Variants in UNC79 observed in about 807,000 individuals in gnomAD.
The protein encoded by UNC79 is unc-79 subunit of NALCN channel complex.
A neutral mutation model predicts 283.1 loss-of-function variants in UNC79; 37 were observed. That is an observed-to-expected ratio of 0.13 (90% CI 0.10 to 0.17). The LOEUF is 0.17. Ranked by LOEUF, UNC79 falls within the 10% of genes least tolerant of loss-of-function variation. The pLI is 1.00. For missense variants in UNC79, 2,272 were observed against 3,211.1 expected (o/e 0.71, Z 7.07); for synonymous variants, 1,107 against 1,200.2 (o/e 0.92, Z 1.61).
At chr14:93,619,004 T>C (rs1420022435) in intron 29 of UNC79, among the ~76,000 whole-genome samples, 2 of 152,206 alleles carry the variant, frequency 1.3e-5, no homozygotes, top group Non-Finnish European at 2.9e-5. Flanking sequence ...AAGTCACGGC[T>C]GACTAGATTT....
In UNC79 at chr14:93,617,427, C is replaced by G; in HGVS notation, c.4224+123C>G. Reference sequence around the variant, plus strand: ...GAAGTTTGACCTTCAGAAGGAAGATCAGGATATGCAATTACTGTTAAGAAC... The same window carrying G: ...GAAGTTTGACCTTCAGAAGGAAGATGAGGATATGCAATTACTGTTAAGAAC... On this transcript the variant is annotated intron_variant, in intron 28 of 48. Transcript: ENST00000555664. The surrounding 1 kb of genome is among the most constrained non-coding windows in gnomAD (Gnocchi z 4.5). 9.7e-7 allele frequency: 1 copy of G among 1,029,412 alleles called. No homozygotes were observed. Among genetic ancestry groups the G allele is most frequent in the South Asian group, 1.9e-5 (1 of 52,080 alleles). The allele number at this position is 1,029,412 out of a possible 1,614,324, so 63.8% of individuals were successfully genotyped here.
In UNC79 at chr14:93,347,282, G is replaced by A. The variant is rs144352893; in HGVS notation, c.-351+13759G>A. 169 of 1,604,594 alleles carry A rather than the reference G, an allele frequency of 1.1e-4. No homozygotes were observed. The highest frequency in any genetic ancestry group is 1.6e-4 in the Middle Eastern group (1 of 6,062). ...ACCTGACGCGATATGCCTCTCCTGCGTGGGCGCTGTCCTGCCCGCCGCCAC... is the reference window on the plus strand; with the variant it reads ...ACCTGACGCGATATGCCTCTCCTGCATGGGCGCTGTCCTGCCCGCCGCCAC... On this transcript the variant is annotated intron_variant, in intron 1 of 49. Coordinates refer to the UNC79 transcript ENST00000256339.
rs201821962 is a variant in UNC79, at chr14:93,630,840, G to A, written c.5648G>A (p.Arg1883Gln). Reference sequence around the variant, plus strand: ...GGACTTTCAACTTTGGAAATGCCACGAGAATCTTCATCTGCCCCTACGTTA... The same window carrying A: ...GGACTTTCAACTTTGGAAATGCCACAAGAATCTTCATCTGCCCCTACGTTA... Residue 1883 changes from arginine to glutamine, a missense_variant, in exon 31 of 49, where the codon CGA (arginine) becomes CAA (glutamine). Around this residue, in one of 11 missense-constraint regions of UNC79, gnomAD observed 580 missense variants for 632.2 expected, o/e 0.92. Transcript: ENST00000555664. 8.7e-6 allele frequency: 14 copies of A among 1,613,966 alleles called. No individual in the cohort carries two copies. In the East Asian group the frequency reaches 1.3e-4, roughly 15 times the overall value.
chr14:93,586,250 C>A (rs1034290275), intron 20 of UNC79, among the ~76,000 whole-genome samples: 4 of 152,202 alleles, frequency 2.6e-5, no homozygotes, highest in Non-Finnish European at 4.4e-5. Flanking sequence ...GGTTCCAGGT[C>A]CCTTCAGGGA....
chr14:93,649,064 A>T (rs540848156), intron 35 of UNC79, among the ~76,000 whole-genome samples: 61 of 152,310 alleles, frequency 4.0e-4, no homozygotes, highest in African/African-American at 1.4e-3. Flanking sequence ...CTTTGGCCAC[A>T]TTGATCTCTC....
chr14:93,662,412 T>C (rs533505865), intron 39 of UNC79, among the ~76,000 whole-genome samples, 192 bp from the exon 43 acceptor site: 2 of 152,322 alleles, frequency 1.3e-5, no homozygotes, highest in South Asian at 4.1e-4. Flanking sequence ...TTGGTCCTGC[T>C]CTTTGAGCCC....
intron 8 of UNC79, among the ~76,000 whole-genome samples, chr14:93,528,232 A>G (rs1331965383): frequency 1.3e-5 from 2 of 152,228 alleles, no homozygotes; most frequent in African/African-American, 4.8e-5. Flanking sequence ...TAGTGTGAGT[A>G]ATATATCGCC....
chr14:93,704,138 T>C (rs1301630206), intron 47 of UNC79, among the ~76,000 whole-genome samples: 1 of 152,232 alleles, frequency 6.6e-6, no homozygotes, highest in East Asian at 1.9e-4. Context: ...TCAGTCTCGC[T>C]GTATTACACC....
chr14:93,477,713 C>G (rs1272752289), exon 4 of UNC79: 1 of 1,611,988 alleles, frequency 6.2e-7, no homozygotes, highest in Non-Finnish European at 8.5e-7. Context: ...CACATCTTTT[C>G]TACCAATGGC....
chr14:93,439,187 T>C (rs1056306703), intron 1 of UNC79, among the ~76,000 whole-genome samples: 1 of 152,134 alleles, frequency 6.6e-6, no homozygotes, highest in African/African-American at 2.4e-5. Context: ...ACTCAATTTT[T>C]ATGCCTCTAA....
At chr14:93,403,096 CT>C (rs1260120503) in intron 1 of UNC79, among the ~76,000 whole-genome samples, 2 of 152,256 alleles carry the variant, frequency 1.3e-5, no homozygotes, top group Admixed American at 1.3e-4. Context: ...TCTCTTGAGT[CT>C]TTGGTCAGCC....
chr14:93,529,243 C>T, intron 9 of UNC79, 43 bp from the exon 10 acceptor site: 2 of 1,606,926 alleles, frequency 1.2e-6, no homozygotes, highest in African/African-American at 1.3e-5. Context: ...GGAAGGAGAA[C>T]ATTTCAATGA....
chr14:93,464,557 A>G, intron 1 of UNC79: 1 of 456,286 alleles, frequency 2.2e-6, no homozygotes, highest in Non-Finnish European at 4.4e-6. Flanking sequence ...TCAACATATG[A>G]ATTCTAAGCG....
At chr14:93,351,196 A>G in intron 1 of UNC79, among the ~76,000 whole-genome samples, 1 of 152,298 alleles carries the variant, frequency 6.6e-6, no homozygotes, top group South Asian at 2.1e-4. Context: ...AAGATTTTAC[A>G]TTTTATTAAT....
intron 27 of UNC79, among the ~76,000 whole-genome samples, chr14:93,614,908 A>G (rs1052911421): frequency 9.2e-5 from 14 of 152,170 alleles, no homozygotes; most frequent in African/African-American, 3.4e-4. Context: ...AGCCAATGTG[A>G]GAATTCCTTA....
At chr14:93,665,872 G>A (rs1207373194) in intron 40 of UNC79, among the ~76,000 whole-genome samples, 1 of 152,040 alleles carries the variant, frequency 6.6e-6, no homozygotes, top group African/African-American at 2.4e-5. Flanking sequence ...ACTAAAAGAT[G>A]TAAGAAGGAA....
At chr14:93,439,271 T>G (rs1277491845) in intron 1 of UNC79, among the ~76,000 whole-genome samples, 1 of 151,440 alleles carries the variant, frequency 6.6e-6, no homozygotes, top group African/African-American at 2.4e-5. Flanking sequence ...AGAGTGGGTG[T>G]TCTTGGCTTG....
chr14:93,582,155 A>G (rs2063866481), intron 19 of UNC79, 48 bp from the exon 20 acceptor site: 3 of 1,613,188 alleles, frequency 1.9e-6, no homozygotes, highest in Non-Finnish European at 1.7e-6. Flanking sequence ...ACCGTTCCTG[A>G]CACCCCTCCA....
rs149890803 is a variant in UNC79, at chr14:93,651,231, A to G, written c.6084-2511A>G. On this transcript the variant is annotated intron_variant, in intron 35 of 48. Transcript: ENST00000555664. Reference sequence around the variant, plus strand: ...AAGTCAGGTAGCATTAGTCCTCCAAATTTAGTTATCTTTTTCAAGATTGGT... The same window carrying G: ...AAGTCAGGTAGCATTAGTCCTCCAAGTTTAGTTATCTTTTTCAAGATTGGT... Among the ~76,000 whole-genome samples the G allele has an allele frequency of 8.1e-3, 1,233 of 152,248 alleles. 8 individuals are homozygous for G. Among genetic ancestry groups the G allele is most frequent in the Non-Finnish European group, 0.011 (770 of 68,008 alleles).
Sources: allele counts gnomAD v4.1 joint callset (sites outside exome capture counted in the v4.1 genomes callset), GRCh38; gene constraint gnomAD v4.1.1; regional missense constraint gnomAD v4.1.1; non-coding constraint Gnocchi (gnomAD v3.1); transcripts MANE v1.5; gene names NCBI Gene and HGNC (gene_info 2026-07-23, HGNC 2026-07-21).